KIAA1328: variants seen among roughly 807,000 people sequenced by gnomAD.
KIAA1328 encodes the protein protein hinderin.
Under a neutral mutation model 68.1 loss-of-function variants are expected in KIAA1328, and 52 were observed. That is an observed-to-expected ratio of 0.76 (90% confidence interval 0.61 to 0.96). The LOEUF is 0.96. KIAA1328 is among the 40% of genes least tolerant of loss of function. The probability of loss-of-function intolerance (pLI) is 0.00; values close to 1 mark genes in which losing one functional copy is unlikely to be tolerated. For synonymous variants in KIAA1328, 232 were observed against 239.4 expected (o/e 0.97, Z 0.28); for missense variants, 641 against 677.6 (o/e 0.95, Z 0.60).
At chr18:37,090,296 C>G (rs2057232928) in intron 7 of KIAA1328, among the ~76,000 whole-genome samples, 1 of 151,964 alleles carries the variant, frequency 6.6e-6, no homozygotes, top group Non-Finnish European at 1.5e-5. Flanking sequence ...ATAAAATTTG[C>G]TTGAAATTAA....
chr18:37,216,899 C>CTTTTTTTTT (rs762745405), intron 9 of KIAA1328, among the ~76,000 whole-genome samples: 51 of 90,270 alleles, frequency 5.6e-4, no homozygotes, highest in East Asian at 1.3e-3. Context: ...TTCTTTGTCT[C>CTTTTTTTTT]TTTTTTTTTT....
At chr18:36,890,613 G>A (rs1194132798) in intron 5 of KIAA1328, among the ~76,000 whole-genome samples, 2 of 152,166 alleles carry the variant, frequency 1.3e-5, no homozygotes, top group Non-Finnish European at 2.9e-5. Context: ...AGAGGTTGCA[G>A]AGAGCCGAGA....
At chr18:36,866,815 G>C (rs905668362) in intron 4 of KIAA1328, among the ~76,000 whole-genome samples, 1 of 152,116 alleles carries the variant, frequency 6.6e-6, no homozygotes, top group Non-Finnish European at 1.5e-5. Flanking sequence ...TATATTAAAG[G>C]TCAAACCAAG....
At chr18:36,954,943 C>T (rs1391095621) in intron 5 of KIAA1328, among the ~76,000 whole-genome samples, 3 of 151,924 alleles carry the variant, frequency 2.0e-5, no homozygotes, top group South Asian at 4.2e-4. Flanking sequence ...GTGATCTGTC[C>T]GCCTTGGCCT....
rs955722377 is a variant in KIAA1328 at position 37,010,526 on chromosome 18, C to T, written c.576+51091C>T. On this transcript the variant is annotated intron_variant, in intron 6 of 9. Coordinates refer to ENST00000280020, the MANE Select transcript of KIAA1328 (RefSeq NM_020776.3). ...TGGATCTCTTTAATGAGGCAATTTT[C>T]TGTTGCTATTAAATGTATTCATTCT... Among the ~76,000 whole-genome samples the T allele has an allele frequency of 9.8e-5, 14 of 143,058 alleles. No homozygotes were observed. The East Asian group carries it at 2.3e-3, about 23-fold the overall frequency. The allele number at this position is 143,058 out of a possible 152,430, so 93.9% of individuals were successfully genotyped here. A position where few individuals can be genotyped will look rare whatever the true frequency, so the allele number is the denominator to read the frequency against.
At chr18:36,942,203 C>G (rs777896806) in intron 5 of KIAA1328, among the ~76,000 whole-genome samples, 1 of 152,132 alleles carries the variant, frequency 6.6e-6, no homozygotes, top group Non-Finnish European at 1.5e-5. Flanking sequence ...AGATGTGAGG[C>G]CTGTTGGCGC....
At chr18:37,176,193 T>C (rs539349956) in intron 9 of KIAA1328, among the ~76,000 whole-genome samples, 1 of 152,324 alleles carries the variant, frequency 6.6e-6, no homozygotes, top group Admixed American at 6.5e-5. Context: ...ATATGAATAA[T>C]GTATTGTAGA....
At chr18:36,988,452 A>T (rs2053035207) in intron 6 of KIAA1328, among the ~76,000 whole-genome samples, 1 of 152,204 alleles carries the variant, frequency 6.6e-6, no homozygotes, top group Non-Finnish European at 1.5e-5. Context: ...TAACTTGGGA[A>T]TGTTAGACAT....
intron 7 of KIAA1328, among the ~76,000 whole-genome samples, chr18:37,157,115 G>C (rs138125693): frequency 1.3e-5 from 2 of 152,236 alleles, no homozygotes; most frequent in African/African-American, 4.8e-5. Flanking sequence ...TAACAAGCAA[G>C]ACTGTTCAAA....
intron 7 of KIAA1328, among the ~76,000 whole-genome samples, chr18:37,158,693 T>C (rs942740588): frequency 6.6e-6 from 1 of 152,148 alleles, no homozygotes; most frequent in Non-Finnish European, 1.5e-5. Context: ...AAGTTTCCAG[T>C]TGTGATGGAG....
At chr18:36,858,312 G>T (rs2047446793) in intron 4 of KIAA1328, among the ~76,000 whole-genome samples, 1 of 151,960 alleles carries the variant, frequency 6.6e-6, no homozygotes, top group Non-Finnish European at 1.5e-5. Flanking sequence ...ATATATCCAT[G>T]GCAGCTTTCT....
chr18:36,875,215 A>G (rs1014586835), intron 4 of KIAA1328, among the ~76,000 whole-genome samples: 6 of 152,180 alleles, frequency 3.9e-5, no homozygotes, highest in Non-Finnish European at 8.8e-5. Flanking sequence ...AAGAAAGTCA[A>G]TGGTAGCTTG....
chr18:36,945,951 T>G (rs2050884065), intron 5 of KIAA1328, among the ~76,000 whole-genome samples: 1 of 152,202 alleles, frequency 6.6e-6, no homozygotes, highest in Non-Finnish European at 1.5e-5. Context: ...TTTTTTTAGA[T>G]CTTGCGGTAT....
chr18:36,829,255 AG>A, intron 1 of KIAA1328, 59 bp downstream of exon 1: 1 of 1,461,344 alleles, frequency 6.8e-7, no homozygotes, highest in Middle Eastern at 1.8e-4. Context: ...GCGAGGGGCG[AG>A]CCGTCGCGTG....
intron 6 of KIAA1328, among the ~76,000 whole-genome samples, chr18:37,063,036 CT>C (rs570431713): frequency 0.29 from 40,559 of 141,128 alleles, 9,009 homozygotes; most frequent in African/African-American, 0.64. Flanking sequence ...GGCTGCATTC[CT>C]TTTTTTTTTT....
In KIAA1328 at chr18:36,835,512, C is replaced by T. The variant is rs368380535; in HGVS notation, c.237+136C>T. ...TAAAAGATACAGAGGATTCCAGGAT[C>T]CTTTGATGATGCCAGGTTTGAGCCT... On this transcript the variant is annotated intron_variant, in intron 3 of 9. Coordinates refer to ENST00000280020, the MANE Select transcript of KIAA1328 (RefSeq NM_020776.3). The T allele has an allele frequency of 2.1e-3, 1,887 of 884,180 alleles. 49 individuals carry two copies. In the South Asian group the frequency reaches 0.036, roughly 17 times the overall value. 54.8% of individuals were successfully genotyped at this position (884,180 alleles called of 1,614,324 possible). A position where few individuals can be genotyped will look rare whatever the true frequency, so the allele number is the denominator to read the frequency against.
chr18:37,052,257 A>G (rs191030366), intron 6 of KIAA1328, among the ~76,000 whole-genome samples: 2 of 152,330 alleles, frequency 1.3e-5, no homozygotes, highest in East Asian at 3.9e-4. Flanking sequence ...GATCACCTCA[A>G]TAGATGCAGA....
rs989497672 is a variant in KIAA1328 at position 37,222,841 on chromosome 18, A to G, written c.*614A>G. ...GCCCATCCCATAACCAAAGAGCTCA[A>G]TGGGCTGGAGGGTGAGACCCAGCCA... On this transcript the variant is annotated 3_prime_UTR_variant, in exon 10 of 10. Transcript: ENST00000280020. 2.0e-5 allele frequency: 20 copies of G among 989,828 alleles called. No homozygotes were observed. The highest frequency in any genetic ancestry group is 5.1e-4 in the Middle Eastern group (1 of 1,944). 61.3% of individuals were successfully genotyped at this position (989,828 alleles called of 1,614,324 possible).
chr18:37,055,514 A>G (rs1407270858), intron 6 of KIAA1328, among the ~76,000 whole-genome samples: 2 of 152,294 alleles, frequency 1.3e-5, no homozygotes, highest in Non-Finnish European at 2.9e-5. Flanking sequence ...TGCATGGGGG[A>G]AAATGAACAT....
Sources: gnomAD v4.1 joint callset for allele counts (sites outside exome capture counted in the v4.1 genomes callset) on GRCh38, gnomAD v4.1.1 for gene constraint, MANE v1.5 for transcripts, NCBI Gene and HGNC (gene_info 2026-07-23, HGNC 2026-07-21) for gene names.